Variants in MYLK observed in about 807,000 individuals in gnomAD.
The protein encoded by MYLK is myosin light chain kinase, also known as myosin light chain kinase, smooth muscle.
A neutral mutation model predicts 203.4 loss-of-function variants in MYLK; 106 were observed. The observed-to-expected ratio is 0.52, with a 90% CI of 0.45 to 0.61. The LOEUF is 0.61. MYLK is among the 20% of genes least tolerant of loss of function. The probability of loss-of-function intolerance (pLI) is 0.00; values close to 1 mark genes in which losing one functional copy is unlikely to be tolerated. For missense variants in MYLK, 2,072 were observed against 2,442.3 expected, an observed-to-expected ratio of 0.85 and a Z score of 3.20; for synonymous variants, 867 against 959.5, an observed-to-expected ratio of 0.90 and a Z score of 1.78.
chr3:123,756,135 T>C (rs893073156), intron 4 of MYLK, among the ~76,000 whole-genome samples: 3 of 152,188 alleles, frequency 2.0e-5, no homozygotes, highest in African/African-American at 7.2e-5. Context: ...ATAATTTTGG[T>C]TTCCAGGTTG....
chr3:123,698,875 G>C (rs936165424), intron 18 of MYLK: 1 of 151,904 alleles, frequency 6.6e-6, no homozygotes, highest in Non-Finnish European at 1.5e-5. Context: ...AGGCAGGCAC[G>C]ATAAAAGGTG....
intron 20 of MYLK, among the ~76,000 whole-genome samples, chr3:123,679,942 GTTTCTCCCTGGAACA>G (rs755914238): frequency 1.4e-4 from 22 of 152,244 alleles, no homozygotes; most frequent in Non-Finnish European, 2.5e-4. Context: ...TGGGCACCAG[GTTTCTCCCTGGAACA>G]GCTGGTTTCC....
rs898430358 is a variant in MYLK at position 123,666,970 on chromosome 3, T to C, written c.3703+167A>G. On this transcript the variant is annotated intron_variant, in intron 21 of 33. Coordinates refer to ENST00000360304, the MANE Select transcript of MYLK (RefSeq NM_053025.4). ...AGCCAGGCTGTGCAGAGGCTCTCCA[T>C]GAGCAAACTCAGCCTGAAAAATGCA... 1.0e-5 allele frequency: 7 copies of C among 666,772 alleles called. No individual in the cohort carries two copies. In the African/African-American group the frequency reaches 1.5e-4, roughly 14 times the overall value. 41.3% of individuals were successfully genotyped at this position (666,772 alleles called of 1,614,324 possible). A position where few individuals can be genotyped will look rare whatever the true frequency, so the allele number is the denominator to read the frequency against.
chr3:123,621,439 C>T (rs575563568), intron 31 of MYLK: 6 of 152,282 alleles, frequency 3.9e-5, no homozygotes, highest in African/African-American at 1.4e-4. Context: ...GGCTTGTACT[C>T]GTTGCATCTC....
chr3:123,692,602 A>G (rs2060722096), intron 19 of MYLK, 133 bp downstream of exon 19: 1 of 870,946 alleles, frequency 1.1e-6, no homozygotes, highest in Non-Finnish European at 1.9e-6. Flanking sequence ...ATTCATCCAA[A>G]ATGAATGCCT....
At chr3:123,833,035 C>T (rs1049387041) in intron 2 of MYLK, among the ~76,000 whole-genome samples, 4 of 151,986 alleles carry the variant, frequency 2.6e-5, no homozygotes, top group Non-Finnish European at 2.9e-5. Context: ...ACGGGAGAGA[C>T]GGGGCTCTCA....
At chr3:123,812,836 C>T (rs1031509994) in intron 3 of MYLK, among the ~76,000 whole-genome samples, 2 of 152,176 alleles carry the variant, frequency 1.3e-5, no homozygotes, top group African/African-American at 2.4e-5. Flanking sequence ...CCTCCTGTTT[C>T]GCAGTGCTCC....
chr3:123,689,749 G>C (rs12495326), intron 19 of MYLK: 1 of 152,200 alleles, frequency 6.6e-6, no homozygotes, highest in Non-Finnish European at 1.5e-5. Flanking sequence ...GTTTACTCTA[G>C]GTTTTAGCTC....
chr3:123,848,593 G>A (rs2030346260), intron 2 of MYLK, among the ~76,000 whole-genome samples: 1 of 152,160 alleles, frequency 6.6e-6, no homozygotes, highest in South Asian at 2.1e-4. Flanking sequence ...ACATATAAGT[G>A]AAAGTTATTA....
intron 1 of MYLK, among the ~76,000 whole-genome samples, chr3:123,880,742 A>G (rs752840006): frequency 9.2e-5 from 14 of 152,156 alleles, no homozygotes; most frequent in Admixed American, 3.3e-4. Flanking sequence ...AGTGAGCAGG[A>G]GGGCAGGGAA....
chr3:123,789,912 T>C (rs992035533), intron 4 of MYLK, among the ~76,000 whole-genome samples: 1 of 152,212 alleles, frequency 6.6e-6, no homozygotes, highest in Non-Finnish European at 1.5e-5. Flanking sequence ...TGCAATGTCT[T>C]CTCTCCTATT....
chr3:123,737,647 G>T, intron 7 of MYLK, 104 bp from the exon 8 acceptor site: 2 of 1,462,356 alleles, frequency 1.4e-6, no homozygotes, highest in Non-Finnish European at 1.9e-6. Flanking sequence ...CAGGGCCTGG[G>T]CAGCAGCGTC....
intron 21 of MYLK, 42 bp downstream of exon 21, chr3:123,667,095 T>C (rs1421160124): frequency 9.4e-6 from 15 of 1,594,836 alleles, no homozygotes; most frequent in East Asian, 4.5e-5. Context: ...ACCCCCATGG[T>C]AGATGACTTC....
chr3:123,697,679 G>A, intron 18 of MYLK, among the ~76,000 whole-genome samples: 1 of 152,170 alleles, frequency 6.6e-6, no homozygotes, highest in East Asian at 1.9e-4. Context: ...TGGGTGAAAA[G>A]TGTAAGAGGC....
At chr3:123,809,129 G>A (rs546622723) in intron 3 of MYLK, among the ~76,000 whole-genome samples, 1 of 152,282 alleles carries the variant, frequency 6.6e-6, no homozygotes, top group East Asian at 1.9e-4. Context: ...AGAAAACCAA[G>A]GCCTACAGAG....
At chr3:123,730,348 T>C (rs2062433525) in intron 11 of MYLK, among the ~76,000 whole-genome samples, 1 of 152,240 alleles carries the variant, frequency 6.6e-6, no homozygotes, top group Non-Finnish European at 1.5e-5. Flanking sequence ...AACAGTTTGT[T>C]AGTTCCTCAG....
At chr3:123,652,780 C>T (rs975740532) in intron 24 of MYLK, among the ~76,000 whole-genome samples, 2 of 152,150 alleles carry the variant, frequency 1.3e-5, no homozygotes, top group Non-Finnish European at 1.5e-5. Context: ...AGTTCAAGAC[C>T]TGGCTGGGCT....
At chr3:123,677,936 G>C (rs200097037) in intron 20 of MYLK, among the ~76,000 whole-genome samples, 13 of 97,526 alleles carry the variant, frequency 1.3e-4, no homozygotes, top group Admixed American at 3.2e-4. Context: ...CACACACACA[G>C]AGTACATCCT....
chr3:123,820,154 G>A (rs2065875208), intron 3 of MYLK, among the ~76,000 whole-genome samples: 1 of 152,216 alleles, frequency 6.6e-6, no homozygotes, highest in African/African-American at 2.4e-5. Context: ...ACCTGAGGGT[G>A]TGACTCAGGC....
Sources: allele counts gnomAD v4.1 joint callset (sites outside exome capture counted in the v4.1 genomes callset), GRCh38; gene constraint gnomAD v4.1.1; transcripts MANE v1.5; gene names NCBI Gene and HGNC (gene_info 2026-07-23, HGNC 2026-07-21).